The following MAGI2 variants were observed in gnomAD, a reference collection of about 807,000 sequenced individuals.
MAGI2 encodes the protein membrane associated guanylate kinase, WW and PDZ domain containing 2.
A neutral mutation model predicts 133.3 loss-of-function variants in MAGI2; 35 were observed. The observed-to-expected ratio is 0.26, with a 90% CI of 0.20 to 0.35. The LOEUF is 0.35. Among genes scored for constraint, MAGI2 ranks in the 10% least tolerant of loss-of-function variants. MAGI2 has a pLI of 1.00. For synonymous variants in MAGI2, 729 were observed against 710.6 expected (o/e 1.03, Z -0.41); for missense variants, 1,636 against 1,863.4 (o/e 0.88, Z 2.25).
chr7:79,387,191 G>T (rs895947840), intron 1 of MAGI2, among the ~76,000 whole-genome samples: 5 of 151,254 alleles, frequency 3.3e-5, no homozygotes, highest in Admixed American at 6.6e-5. Context: ...GAGCCTCTGG[G>T]TATGATTCAA....
chr7:79,339,464 G>GT (rs71095397), intron 1 of MAGI2, among the ~76,000 whole-genome samples: 17,724 of 134,412 alleles, frequency 0.13, 2,429 homozygotes, highest in African/African-American at 0.35. Context: ...TTTTGTTTTT[G>GT]TTTTTTTTTT....
At chr7:79,412,315 T>C (rs1846200001) in intron 1 of MAGI2, 1 of 152,254 alleles carries the variant, frequency 6.6e-6, no homozygotes, top group African/African-American at 2.4e-5. Flanking sequence ...AATGTAAATA[T>C]ATAAGTATTT....
intron 1 of MAGI2, among the ~76,000 whole-genome samples, chr7:79,123,408 C>A (rs2129544801): frequency 6.6e-6 from 1 of 152,260 alleles, no homozygotes; most frequent in Admixed American, 6.5e-5. Context: ...CTTGGTCAAA[C>A]CATTTTTACT....
intron 1 of MAGI2, among the ~76,000 whole-genome samples, chr7:79,117,636 TG>T (rs1819523154): frequency 6.6e-6 from 1 of 152,226 alleles, no homozygotes; most frequent in African/African-American, 2.4e-5. Flanking sequence ...AGCTTTTATC[TG>T]TATGCAGAAA....
chr7:78,663,433 C>T (rs868052743), intron 2 of MAGI2, among the ~76,000 whole-genome samples: 5 of 152,036 alleles, frequency 3.3e-5, no homozygotes, highest in Non-Finnish European at 7.4e-5. Flanking sequence ...TCTCAATCTC[C>T]TGACCTCATG....
chr7:78,236,373 T>A (rs1790542079), intron 10 of MAGI2, among the ~76,000 whole-genome samples: 1 of 152,182 alleles, frequency 6.6e-6, no homozygotes, highest in Non-Finnish European at 1.5e-5. Flanking sequence ...AGCTGCATTA[T>A]TTGACTCACA....
chr7:79,258,176 C>G (rs1833830982), intron 1 of MAGI2, among the ~76,000 whole-genome samples: 1 of 152,150 alleles, frequency 6.6e-6, no homozygotes, highest in South Asian at 2.1e-4. Flanking sequence ...AAAGCATTCA[C>G]TCTGTCCTCA....
At chr7:78,837,833 C>T (rs1036987259) in intron 2 of MAGI2, among the ~76,000 whole-genome samples, 1 of 152,086 alleles carries the variant, frequency 6.6e-6, no homozygotes, top group African/African-American at 2.4e-5. Flanking sequence ...CATTACCAAA[C>T]TATGTTATTT....
intron 1 of MAGI2, among the ~76,000 whole-genome samples, chr7:79,367,566 G>A (rs1404463483): frequency 6.6e-6 from 1 of 151,890 alleles, no homozygotes; most frequent in Non-Finnish European, 1.5e-5. Context: ...CTAAACCTTA[G>A]TTTCCTTCTC....
chr7:79,409,895 G>A (rs1846038318), intron 1 of MAGI2: 1 of 151,878 alleles, frequency 6.6e-6, no homozygotes, highest in South Asian at 2.1e-4. Flanking sequence ...ATAAAATTCT[G>A]CTAAAAGTTG....
intron 16 of MAGI2, among the ~76,000 whole-genome samples, chr7:78,148,945 G>A (rs1279524794): frequency 1.3e-5 from 2 of 152,122 alleles, no homozygotes; most frequent in Non-Finnish European, 2.9e-5. Flanking sequence ...GTCTTAGAAT[G>A]AGTCTGATGA....
At chr7:79,227,536 C>G (rs917424714) in intron 1 of MAGI2, among the ~76,000 whole-genome samples, 5 of 152,246 alleles carry the variant, frequency 3.3e-5, no homozygotes, top group Middle Eastern at 3.4e-3. Context: ...CACTCCTTAT[C>G]CTTATCCTTA....
At chr7:78,559,574 G>C (rs374323783) in intron 3 of MAGI2, among the ~76,000 whole-genome samples, 1 of 152,098 alleles carries the variant, frequency 6.6e-6, no homozygotes, top group African/African-American at 2.4e-5. Context: ...CCATGCCGAT[G>C]CTCGTGAGTA....
chr7:78,424,586 C>A (rs1333093312), intron 6 of MAGI2, among the ~76,000 whole-genome samples: 5 of 152,156 alleles, frequency 3.3e-5, no homozygotes, highest in Non-Finnish European at 7.3e-5. Context: ...AGACACTCAA[C>A]ACCAGCCCAT....
chr7:78,685,668 A>G (rs13239221), intron 2 of MAGI2, among the ~76,000 whole-genome samples: 5,337 of 144,700 alleles, frequency 0.037, 115 homozygotes, highest in Non-Finnish European at 0.059. Context: ...GTGTGTGTGT[A>G]TATATAGGTT....
At position 78,019,437 on chromosome 7, in the gene MAGI2, G is replaced by A. The variant is rs1009011515; in HGVS notation, c.4246C>T (p.Pro1416Ser). The A allele has an allele frequency of 3.0e-6, 3 of 999,960 alleles. No individual in the cohort carries two copies. Among genetic ancestry groups the A allele is most frequent in the Non-Finnish European group, 2.4e-6 (2 of 841,456 alleles). 61.9% of individuals were successfully genotyped at this position (999,960 alleles called of 1,614,324 possible). The change falls in exon 22 of 22, where the codon CCG becomes TCG. Residue 1416 changes from proline (P) to serine (S), a missense_variant. By Grantham distance (74) the Pro-to-Ser change is moderately conservative. Coordinates refer to ENST00000354212, the MANE Select transcript of MAGI2 (RefSeq NM_012301.4). ...GCCGGGGCGCCCCCCGGGGGTCGCG[G>A]GCCCGGCCGGGGACCCGCGCGCGCA... ...AGARAGPRPG[P>S]RPPGGAPARK...
intron 5 of MAGI2, among the ~76,000 whole-genome samples, chr7:78,492,429 T>C (rs899152056): frequency 5.9e-5 from 9 of 152,124 alleles, no homozygotes; most frequent in South Asian, 2.1e-4. Flanking sequence ...TATTTTTCAA[T>C]AGTGGTTCTC....
intron 1 of MAGI2, among the ~76,000 whole-genome samples, chr7:79,301,365 T>C (rs1837385430): frequency 6.6e-6 from 1 of 152,256 alleles, no homozygotes; most frequent in African/African-American, 2.4e-5. Context: ...AAGCTCACTC[T>C]TTGCACCAAT....
intron 3 of MAGI2, among the ~76,000 whole-genome samples, chr7:78,571,476 T>C (rs769866671): frequency 6.6e-6 from 1 of 152,176 alleles, no homozygotes; most frequent in Admixed American, 6.5e-5. Context: ...CCAGATCAAA[T>C]ACCATTTCAA....
Sources: gnomAD v4.1 joint callset for allele counts (sites outside exome capture counted in the v4.1 genomes callset) on GRCh38, gnomAD v4.1.1 for gene constraint, MANE v1.5 for transcripts, NCBI Gene and HGNC (gene_info 2026-07-23, HGNC 2026-07-21) for gene names.